Variants in ATP13A4 observed in about 807,000 individuals in gnomAD.
The protein encoded by ATP13A4 is probable cation-transporting ATPase 13A4.
Under a neutral mutation model 142.5 loss-of-function variants are expected in ATP13A4, and 114 were observed. That is an observed-to-expected ratio of 0.80 (90% CI 0.69 to 0.93). The LOEUF (loss-of-function observed/expected upper bound fraction) is 0.93, where lower values mean the gene tolerates loss of function less well. ATP13A4 is among the 40% of genes least tolerant of loss of function. The probability of loss-of-function intolerance (pLI) is 0.00; values close to 1 mark genes in which losing one functional copy is unlikely to be tolerated. For missense variants in ATP13A4, 1,392 were observed against 1,454.0 expected (o/e 0.96, Z 0.69); for synonymous variants, 488 against 514.8 (o/e 0.95, Z 0.70).
In ATP13A4 at chr3:193,448,262, G is replaced by C. The variant is rs758418780; in HGVS notation, c.2096C>G (p.Thr699Arg). ...LILENRLKEE[T>R]KPVLEELISA... ...GATGAGCTCTTCCAAGACAGGTTTT[G>C]TCTCTTCCTTCAATCGATTCTCCAA... The change falls in exon 18 of 30, where the codon ACA (threonine) becomes AGA (arginine). Residue 699 changes from threonine (T) to arginine (R), a missense_variant. Physicochemically the swap from Thr to Arg is moderately conservative, Grantham distance 71. Transcript: ENST00000342695. The C allele has an allele frequency of 2.4e-5, 38 of 1,614,000 alleles. No homozygotes were observed. The Admixed American group carries it at 2.7e-4, about 11-fold the overall frequency.
intron 1 of ATP13A4, among the ~76,000 whole-genome samples, chr3:193,538,445 G>A (rs977180822): frequency 1.3e-5 from 2 of 150,584 alleles, no homozygotes; most frequent in Non-Finnish European, 2.9e-5. Context: ...ACAGAGGGCA[G>A]GCAAGGGAAA....
At chr3:193,555,439 A>G (rs925012300), upstream of ATP13A4, among the ~76,000 whole-genome samples, 2 of 152,234 alleles carry the variant, frequency 1.3e-5, no homozygotes, top group Non-Finnish European at 2.9e-5. Context: ...TTCTATTTAA[A>G]GTGTATGTGA....
chr3:193,453,983 A>T, intron 17 of ATP13A4, 118 bp downstream of exon 17: 1 of 820,276 alleles, frequency 1.2e-6, no homozygotes, highest in East Asian at 2.6e-5. Context: ...AGCAAGCTAC[A>T]TTGCTCTGTC....
chr3:193,535,231 C>T (rs1315487278), intron 1 of ATP13A4, among the ~76,000 whole-genome samples: 2 of 152,296 alleles, frequency 1.3e-5, no homozygotes, highest in East Asian at 3.9e-4. Flanking sequence ...ACAGAACATA[C>T]AGTCTTTTCA....
rs1454817401 is a variant in ATP13A4, at chr3:193,454,162, G to T, written c.1966C>A (p.Arg656=). Residue 656 remains arginine, a synonymous_variant, in exon 17 of 30, where the codon CGA becomes AGA. Coordinates refer to ENST00000342695, the MANE Select transcript of ATP13A4 (RefSeq NM_032279.4). ...ELQIYTTQGF[R]VIALAYKKLE... ...TTCTTGTAGGCCAGTGCTATGACTC[G>T]GAAGCCCTGTGTCGTGTAAATCTGA... The T allele has an allele frequency of 1.4e-5, 22 of 1,613,958 alleles. No individual in the cohort carries two copies. Among genetic ancestry groups the T allele is most frequent in the Non-Finnish European group, 1.7e-5 (20 of 1,179,964 alleles).
intron 2 of ATP13A4, among the ~76,000 whole-genome samples, chr3:193,503,270 G>A (rs1375943250): frequency 6.6e-6 from 1 of 152,182 alleles, no homozygotes; most frequent in African/African-American, 2.4e-5. Context: ...TTGCCAAGAT[G>A]TTAGCACAGG....
intron 9 of ATP13A4, among the ~76,000 whole-genome samples, chr3:193,469,962 C>T (rs1718523671): frequency 6.6e-6 from 1 of 152,138 alleles, no homozygotes; most frequent in African/African-American, 2.4e-5. Context: ...CCTGCTTTGC[C>T]ATGGTCTGCG....
chr3:193,525,557 T>A (rs964051807), intron 1 of ATP13A4, among the ~76,000 whole-genome samples: 6 of 152,128 alleles, frequency 3.9e-5, no homozygotes, highest in African/African-American at 1.4e-4. Context: ...CTACAACATC[T>A]ATAACAAATG....
At chr3:193,443,796 G>GA (rs1376635520) in intron 18 of ATP13A4, among the ~76,000 whole-genome samples, 1 of 151,966 alleles carries the variant, frequency 6.6e-6, no homozygotes, top group Non-Finnish European at 1.5e-5. Context: ...TAAACTGTGG[G>GA]AAAAAACCAA....
chr3:193,412,595 G>A (rs6764121), intron 26 of ATP13A4, among the ~76,000 whole-genome samples: 72,833 of 150,552 alleles, frequency 0.48, 19,122 homozygotes, highest in African/African-American at 0.7. Flanking sequence ...AGATAGACCC[G>A]TATTTTGGAT....
At chr3:193,451,468 G>C (rs999745826) in intron 17 of ATP13A4, among the ~76,000 whole-genome samples, 7 of 152,088 alleles carry the variant, frequency 4.6e-5, no homozygotes, top group African/African-American at 1.4e-4. Context: ...ACTCTCTTTG[G>C]CTGGTAAACA....
chr3:193,423,885 T>C (rs1002440535), intron 25 of ATP13A4, among the ~76,000 whole-genome samples: 1 of 149,360 alleles, frequency 6.7e-6, no homozygotes, highest in African/African-American at 2.5e-5. Flanking sequence ...GAAAGTCAAA[T>C]TGTCCCTGTT....
In ATP13A4 at chr3:193,399,845, C is replaced by CAA. The variant is rs71177402; in HGVS notation, c.*2805_*2806dup. Among the ~76,000 whole-genome samples, 1,032 of 72,652 alleles carry CAA rather than the reference C, an allele frequency of 0.014. 88 individuals carry two copies. Among genetic ancestry groups the CAA allele is most frequent in the African/African-American group, 0.048 (828 of 17,340 alleles). 47.7% of individuals were successfully genotyped at this position (72,652 alleles called of 152,430 possible). On this transcript the variant is annotated 3_prime_UTR_variant, in exon 30 of 30. Transcript: ENST00000342695. ...TGGGCAACAGAGTGAGACTCCATCT[C>CAA]AAAAAAAAAAAAAAAAAAAAAAGGT...
At chr3:193,440,221 C>G (rs566931294) in intron 21 of ATP13A4, 26 of 298,974 alleles carry the variant, frequency 8.7e-5, no homozygotes, top group Non-Finnish European at 1.3e-4. Context: ...CCTCCAGGAG[C>G]TGAGCTCAAG....
chr3:193,563,616 T>C (rs1033938471), intron 2 of ATP13A4, among the ~76,000 whole-genome samples: 2 of 152,196 alleles, frequency 1.3e-5, no homozygotes, highest in African/African-American at 4.8e-5. Context: ...TGTGATTGTG[T>C]AATTGCGCCA....
intron 2 of ATP13A4, among the ~76,000 whole-genome samples, chr3:193,575,057 A>G (rs1392290163): frequency 6.6e-6 from 1 of 152,194 alleles, no homozygotes; most frequent in Non-Finnish European, 1.5e-5. Context: ...CACTTTGTCA[A>G]AAGTGAACTA....
intron 1 of ATP13A4, among the ~76,000 whole-genome samples, chr3:193,538,892 CTTT>C (rs67132373): frequency 8.3e-5 from 10 of 120,844 alleles, no homozygotes; most frequent in Admixed American, 1.8e-4. Context: ...TTGGTTTTTT[CTTT>C]TTTTTTTTTT....
chr3:193,494,643 A>G (rs1385993448), intron 3 of ATP13A4, among the ~76,000 whole-genome samples: 1 of 152,032 alleles, frequency 6.6e-6, no homozygotes, highest in Non-Finnish European at 1.5e-5. Context: ...TAAGAGGTCA[A>G]TGTATAGCAG....
intron 5 of ATP13A4, among the ~76,000 whole-genome samples, chr3:193,492,247 G>C (rs923948737): frequency 2.6e-5 from 4 of 152,106 alleles, no homozygotes; most frequent in Non-Finnish European, 4.4e-5. Context: ...AATGGGGAAG[G>C]GGGAAGCATG....
Sources: allele counts gnomAD v4.1 joint callset (sites outside exome capture counted in the v4.1 genomes callset), GRCh38; gene constraint gnomAD v4.1.1; transcripts MANE v1.5; gene names NCBI Gene and HGNC (gene_info 2026-07-23, HGNC 2026-07-21).